GNA14: variants seen among roughly 807,000 people sequenced by gnomAD.
The protein encoded by GNA14 is G protein subunit alpha 14.
Under a neutral mutation model 42.0 loss-of-function variants are expected in GNA14, and 50 were observed. The observed-to-expected ratio is 1.19, with a 90% CI of 0.95 to 1.51. The LOEUF is 1.51. Among genes scored for constraint, GNA14 ranks in the 40% most tolerant of loss-of-function variants. GNA14 has a pLI of 0.00. For missense variants in GNA14, 473 were observed against 446.2 expected, an observed-to-expected ratio of 1.06 and a Z score of -0.54; for synonymous variants, 173 against 163.1, an observed-to-expected ratio of 1.06 and a Z score of -0.46.
chr9:77,614,387 G>A (rs952631748), intron 1 of GNA14, among the ~76,000 whole-genome samples: 2 of 152,110 alleles, frequency 1.3e-5, no homozygotes, highest in African/African-American at 4.8e-5. Context: ...GGATCCTCAA[G>A]TTTTTGGGGT....
At chr9:77,467,009 G>A (rs1836247886) in intron 2 of GNA14, among the ~76,000 whole-genome samples, 1 of 132,674 alleles carries the variant, frequency 7.5e-6, no homozygotes, top group Non-Finnish European at 1.5e-5. Flanking sequence ...CGGTGTGTGT[G>A]TGTGTGTGTG....
chr9:77,569,694 C>T (rs1012715085), intron 1 of GNA14, among the ~76,000 whole-genome samples: 1 of 152,048 alleles, frequency 6.6e-6, no homozygotes. Flanking sequence ...GCTGTGTCTG[C>T]CCCTGTAAAG....
At chr9:77,492,582 G>A (rs1836793965) in intron 2 of GNA14, among the ~76,000 whole-genome samples, 1 of 151,978 alleles carries the variant, frequency 6.6e-6, no homozygotes, top group Admixed American at 6.6e-5. Context: ...ATACATTCCT[G>A]GACACATCCA....
chr9:77,488,032 G>T (rs1836690967), intron 2 of GNA14, among the ~76,000 whole-genome samples: 1 of 152,130 alleles, frequency 6.6e-6, no homozygotes, highest in East Asian at 1.9e-4. Flanking sequence ...GGAAGATTCA[G>T]GGAGAAAAAA....
intron 1 of GNA14, among the ~76,000 whole-genome samples, chr9:77,544,670 TCA>T (rs1837698778): frequency 1.0e-5 from 1 of 98,268 alleles, no homozygotes. Context: ...TCACTGCATC[TCA>T]AAAAAAAAAA....
At chr9:77,519,365 T>A (rs573715768) in intron 2 of GNA14, among the ~76,000 whole-genome samples, 1 of 148,324 alleles carries the variant, frequency 6.7e-6, no homozygotes, top group South Asian at 2.1e-4. Flanking sequence ...GAGCCGAGAT[T>A]GCGCCACTAC....
intron 2 of GNA14, among the ~76,000 whole-genome samples, chr9:77,493,374 T>A (rs7853189): frequency 0.62 from 94,148 of 151,906 alleles, 30,570 homozygotes; most frequent in East Asian, 0.83. Flanking sequence ...TTATGTATTT[T>A]AAAAAATTAC....
At chr9:77,483,106 T>C in intron 2 of GNA14, among the ~76,000 whole-genome samples, 1 of 152,234 alleles carries the variant, frequency 6.6e-6, no homozygotes, top group Non-Finnish European at 1.5e-5. Context: ...AGGAGCTGCG[T>C]TCCTTTGGAG....
At chr9:77,490,189 T>C (rs1174996345) in intron 2 of GNA14, among the ~76,000 whole-genome samples, 1 of 152,164 alleles carries the variant, frequency 6.6e-6, no homozygotes, top group African/African-American at 2.4e-5. Context: ...AGCAGCTAGA[T>C]ACAGAGTGTC....
intron 1 of GNA14, among the ~76,000 whole-genome samples, chr9:77,642,023 T>TAAAC (rs905871946): frequency 6.6e-6 from 1 of 151,898 alleles, no homozygotes; most frequent in African/African-American, 2.4e-5. Flanking sequence ...AAATAAAAAG[T>TAAAC]AAACAAACAA....
chr9:77,540,364 G>A (rs1837644671), intron 1 of GNA14, among the ~76,000 whole-genome samples: 1 of 152,012 alleles, frequency 6.6e-6, no homozygotes, highest in African/African-American at 2.4e-5. Flanking sequence ...TTTTTAAAAT[G>A]TGTTGAGGCT....
At chr9:77,613,589 G>C (rs1284600305) in intron 1 of GNA14, among the ~76,000 whole-genome samples, 2 of 152,190 alleles carry the variant, frequency 1.3e-5, no homozygotes, top group Non-Finnish European at 2.9e-5. Flanking sequence ...GGGAGGGGAA[G>C]AATGTTTTTG....
Position 77,423,951 on chromosome 9 carries a change from G to C in GNA14, c.*28C>G. ...AAGGAGTTTGCAAATCACATCTTCT[G>C]TTATAGGGGAGGAGTGGGCAGCAGC... On this transcript the variant is annotated 3_prime_UTR_variant, in exon 7 of 7. Transcript: ENST00000341700. The C allele has an allele frequency of 6.6e-7, 1 of 1,513,720 alleles. No individual in the cohort carries two copies. The highest frequency in any genetic ancestry group is 2.3e-5 in the East Asian group (1 of 42,998). The allele number at this position is 1,513,720 out of a possible 1,614,324, so 93.8% of individuals were successfully genotyped here. A position where few individuals can be genotyped will look rare whatever the true frequency, so the allele number is the denominator to read the frequency against.
intron 2 of GNA14, among the ~76,000 whole-genome samples, chr9:77,493,857 C>G (rs1836827204): frequency 6.6e-6 from 1 of 152,154 alleles, no homozygotes; most frequent in Non-Finnish European, 1.5e-5. Context: ...TTACAACCAT[C>G]TTGAATATAT....
chr9:77,424,156 A>G lies in GNA14; in HGVS notation c.891T>C (p.Asp297=). 2 of 1,609,430 alleles carry G rather than the reference A, an allele frequency of 1.2e-6. No homozygotes were observed. Among genetic ancestry groups the G allele is most frequent in the Middle Eastern group, 3.3e-4 (2 of 6,048 alleles). ...YFPEYTGPKQ[D]VRAARDFILK... is the part of the protein sequence containing the mutation. ...GGATAAAGTCTCTGGCAGCTCTGAC[A>G]TCCTGTTTCGGTCCTAGTCACAAGT... Residue 297 remains aspartate, a synonymous_variant, in exon 7 of 7, where the codon GAT becomes GAC. Coordinates refer to ENST00000341700, the MANE Select transcript of GNA14 (RefSeq NM_004297.4).
intron 2 of GNA14, among the ~76,000 whole-genome samples, chr9:77,470,443 G>T (rs1836310766): frequency 6.6e-6 from 1 of 152,228 alleles, no homozygotes; most frequent in Non-Finnish European, 1.5e-5. Context: ...GAACCATGGT[G>T]ACGGTAGAAT....
intron 2 of GNA14, among the ~76,000 whole-genome samples, chr9:77,452,607 G>GTT (rs1418088010): frequency 4.8e-5 from 2 of 41,344 alleles, no homozygotes; most frequent in South Asian, 7.5e-4. Context: ...GTGTGTATGT[G>GTT]TATGTGTGTG....
Position 77,515,983 on chromosome 9 carries a change from A to AAAAAAAAAAAAAAAAAAAC in GNA14, c.309+13085_309+13086insGTTTTTTTTTTTTTTTTTT, listed in dbSNP as rs1276481734. ...CACAAAAAAAAAAAAAAAAAAAAAA[A>AAAAAAAAAAAAAAAAAAAC]CCCAGAGCAGGAAGAGACAGCCATG... On this transcript the variant is annotated intron_variant, in intron 2 of 6. Transcript: ENST00000341700. 4.1e-5 allele frequency among the ~76,000 whole-genome samples: 6 copies of AAAAAAAAAAAAAAAAAAAC among 145,452 alleles called. No homozygotes were observed. In the East Asian group the frequency reaches 6.7e-4, roughly 16 times the overall value.
In GNA14 at chr9:77,537,346, C is replaced by T. The variant is rs983539568; in HGVS notation, c.125-8093G>A. ...AACATGCAGTACCTGCCTTGTTTTG[C>T]CTGGCTTATCCCACTTAACATAATG... is the stretch of plus-strand genomic sequence containing the variant. On this transcript the variant is annotated intron_variant, in intron 1 of 6. Transcript: ENST00000341700. Among the ~76,000 whole-genome samples the T allele has an allele frequency of 2.6e-5, 4 of 152,174 alleles. No homozygotes were observed. The South Asian group carries it at 8.3e-4, about 32-fold the overall frequency.
Sources: gnomAD v4.1 joint callset for allele counts (sites outside exome capture counted in the v4.1 genomes callset) on GRCh38, gnomAD v4.1.1 for gene constraint, MANE v1.5 for transcripts, NCBI Gene and HGNC (gene_info 2026-07-23, HGNC 2026-07-21) for gene names.